Variants in PPP4R2 observed in about 807,000 individuals in gnomAD.
PPP4R2 encodes the protein protein phosphatase 4 regulatory subunit 2.
Under a neutral mutation model 47.2 loss-of-function variants are expected in PPP4R2, and 13 were observed. The observed-to-expected ratio is 0.28, with a 90% CI of 0.18 to 0.44. PPP4R2 has a LOEUF of 0.44. Ranked by LOEUF, PPP4R2 falls within the 20% of genes least tolerant of loss-of-function variation. The pLI, the probability that PPP4R2 is intolerant of heterozygous loss-of-function variation, is 1.00. For synonymous variants in PPP4R2, 151 were observed against 163.3 expected (o/e 0.92, Z 0.57); for missense variants, 421 against 491.2 (o/e 0.86, Z 1.35).
chr3:73,030,463 G>T (rs918860463), intron 2 of PPP4R2, among the ~76,000 whole-genome samples: 7 of 152,144 alleles, frequency 4.6e-5, no homozygotes, highest in Non-Finnish European at 7.4e-5. Flanking sequence ...ATATGAAATA[G>T]TTACTGGGAG....
Position 73,068,906 on chromosome 3 carries a change from C to T in PPP4R2, c.*3184C>T, listed in dbSNP as rs897778573. Reference sequence around the variant, plus strand: ...GTAGTGTTTCAAATTGTCTTCTGAACAGGAATTTAACATTGGTTTTGATGA... The same window carrying T: ...GTAGTGTTTCAAATTGTCTTCTGAATAGGAATTTAACATTGGTTTTGATGA... On this transcript the variant is annotated 3_prime_UTR_variant, in exon 9 of 9. Transcript: ENST00000356692. 2.4e-5 allele frequency: 3 copies of T among 123,988 alleles called. No individual in the cohort carries two copies. Among genetic ancestry groups the T allele is most frequent in the Non-Finnish European group, 4.9e-5 (3 of 61,584 alleles). 7.7% of individuals were successfully genotyped at this position (123,988 alleles called of 1,614,324 possible). A position where few individuals can be genotyped will look rare whatever the true frequency, so the allele number is the denominator to read the frequency against.
intron 6 of PPP4R2, 64 bp from the exon 7 acceptor site, chr3:73,063,939 A>G (rs1430552101): frequency 9.1e-6 from 13 of 1,436,190 alleles, no homozygotes; most frequent in East Asian, 2.3e-5. Context: ...ATTCACATCA[A>G]CATACCTTAA....
chr3:73,012,413 C>T (rs1309071251), intron 2 of PPP4R2, among the ~76,000 whole-genome samples: 1 of 152,162 alleles, frequency 6.6e-6, no homozygotes, highest in East Asian at 1.9e-4. Flanking sequence ...CATTCTCCTG[C>T]CTCAGCCTCC....
Position 73,062,737 on chromosome 3 carries a change from T to C in PPP4R2, c.420-936T>C, listed in dbSNP as rs762881583. On this transcript the variant is annotated intron_variant, in intron 5 of 8. Transcript: ENST00000356692. ...CGATTCAAGGCAATGATGGCATCTA[T>C]TGGAAGACTTTCACATGGTGAGAGT... is the stretch of plus-strand genomic sequence containing the variant. The C allele has an allele frequency of 4.2e-5, 68 of 1,613,894 alleles. No homozygotes were observed. The Admixed American group carries it at 1.1e-3, about 26-fold the overall frequency.
intron 3 of PPP4R2, among the ~76,000 whole-genome samples, chr3:73,053,924 A>AAG (rs1339701674): frequency 4.0e-5 from 6 of 150,866 alleles, no homozygotes; most frequent in African/African-American, 9.7e-5. Context: ...AAAAAAAAAA[A>AAG]GCGAAATCTG....
In PPP4R2 at chr3:73,067,326, T is replaced by G. The variant is rs959202665; in HGVS notation, c.*1604T>G. The G allele has an allele frequency of 1.3e-5, 2 of 152,206 alleles. No homozygotes were observed. The highest frequency in any genetic ancestry group is 2.1e-4 in the South Asian group (1 of 4,828). 9.4% of individuals were successfully genotyped at this position (152,206 alleles called of 1,614,324 possible). ...ACTGTATAATATGCTTTTGGGTGAT[T>G]TGGGGGGCAACCACAAGTTTTGCGT... On this transcript the variant is annotated 3_prime_UTR_variant, in exon 9 of 9. Coordinates refer to ENST00000356692, the MANE Select transcript of PPP4R2 (RefSeq NM_174907.4).
intron 2 of PPP4R2, among the ~76,000 whole-genome samples, chr3:73,029,136 G>A (rs1204291067): frequency 1.3e-5 from 2 of 152,144 alleles, no homozygotes; most frequent in Non-Finnish European, 2.9e-5. Flanking sequence ...TGTAGAGACA[G>A]GATCTTGTTG....
intron 4 of PPP4R2, among the ~76,000 whole-genome samples, chr3:73,059,583 A>G (rs1475699581): frequency 2.0e-5 from 3 of 152,108 alleles, no homozygotes; most frequent in Non-Finnish European, 4.4e-5. Flanking sequence ...GATAAACATT[A>G]GTGTTTGTGT....
chr3:73,007,738 C>G (rs1363325609), intron 2 of PPP4R2, among the ~76,000 whole-genome samples: 1 of 152,234 alleles, frequency 6.6e-6, no homozygotes, highest in Non-Finnish European at 1.5e-5. Context: ...ATCGACCCGT[C>G]TCGGCTTCCC....
intron 2 of PPP4R2, among the ~76,000 whole-genome samples, chr3:73,008,627 AT>A (rs1252029998): frequency 6.6e-6 from 1 of 152,164 alleles, no homozygotes; most frequent in Admixed American, 6.5e-5. Flanking sequence ...TGGACAAATT[AT>A]TTGTGAGCTT....
intron 2 of PPP4R2, among the ~76,000 whole-genome samples, chr3:73,000,946 C>G (rs934734869): frequency 1.3e-5 from 2 of 152,158 alleles, no homozygotes; most frequent in South Asian, 2.1e-4. Flanking sequence ...TTTTGACGGT[C>G]AAGTTGTCTC....
intron 2 of PPP4R2, among the ~76,000 whole-genome samples, chr3:73,040,658 G>A (rs1469217097): frequency 3.3e-5 from 5 of 151,786 alleles, no homozygotes; most frequent in Admixed American, 6.6e-5. Context: ...AATTATAGGC[G>A]CTCACCACCA....
chr3:73,000,829 A>G (rs1701443567), intron 2 of PPP4R2, among the ~76,000 whole-genome samples: 1 of 152,240 alleles, frequency 6.6e-6, no homozygotes, highest in African/African-American at 2.4e-5. Flanking sequence ...GTATGCGCTG[A>G]ATAAACAGGA....
chr3:73,014,204 T>C (rs1425563517), intron 2 of PPP4R2, among the ~76,000 whole-genome samples: 1 of 130,752 alleles, frequency 7.6e-6, no homozygotes, highest in Non-Finnish European at 1.8e-5. Flanking sequence ...ACTTGTTCAG[T>C]ATGTGCTTCT....
intron 2 of PPP4R2, among the ~76,000 whole-genome samples, chr3:73,017,143 G>T (rs1701857235): frequency 6.6e-6 from 1 of 152,058 alleles, no homozygotes; most frequent in South Asian, 2.1e-4. Context: ...CTGGTCCCAA[G>T]CTCTGGGCAC....
At chr3:73,040,888 G>A (rs1702365275) in intron 2 of PPP4R2, among the ~76,000 whole-genome samples, 1 of 152,090 alleles carries the variant, frequency 6.6e-6, no homozygotes, top group Non-Finnish European at 1.5e-5. Context: ...TGCCCTCAAA[G>A]ACTGTTTGTC....
intron 3 of PPP4R2, among the ~76,000 whole-genome samples, chr3:73,058,788 C>G (rs1325568750): frequency 7.3e-6 from 1 of 136,726 alleles, no homozygotes; most frequent in Non-Finnish European, 1.6e-5. Flanking sequence ...AACCATTCCC[C>G]CCTCCCTCCC....
chr3:73,048,316 G>T (rs1702531521), intron 3 of PPP4R2, among the ~76,000 whole-genome samples: 1 of 152,194 alleles, frequency 6.6e-6, no homozygotes, highest in Non-Finnish European at 1.5e-5. Flanking sequence ...GCAGTGGCAT[G>T]ATCTCGGCTC....
Position 73,004,001 on chromosome 3 carries a change from A to C in PPP4R2, c.116+5843A>C, listed in dbSNP as rs148345235. ...AGGCGTGAGCCACTGTGCCTGGCCTAACTTTTGTATTTTTAGTAGAGATGG... is the reference window on the plus strand; with the variant it reads ...AGGCGTGAGCCACTGTGCCTGGCCTCACTTTTGTATTTTTAGTAGAGATGG... On this transcript the variant is annotated intron_variant, in intron 2 of 8. Coordinates refer to ENST00000356692, the MANE Select transcript of PPP4R2 (RefSeq NM_174907.4). Among the ~76,000 whole-genome samples the C allele has an allele frequency of 1.4e-3, 187 of 130,810 alleles. 4 individuals carry two copies. In the East Asian group the frequency reaches 0.041, roughly 28 times the overall value. 85.8% of individuals were successfully genotyped at this position (130,810 alleles called of 152,430 possible).
Sources: gnomAD v4.1 joint callset for allele counts (sites outside exome capture counted in the v4.1 genomes callset) on GRCh38, gnomAD v4.1.1 for gene constraint, MANE v1.5 for transcripts, NCBI Gene and HGNC (gene_info 2026-07-23, HGNC 2026-07-21) for gene names.